The following LRP1B variants were observed in gnomAD, a reference collection of about 807,000 sequenced individuals.
LRP1B encodes low-density lipoprotein receptor-related protein 1B.
In LRP1B, 217 loss-of-function variants were observed where a neutral mutation model predicts 556.6. That is an observed-to-expected ratio of 0.39 (90% CI 0.35 to 0.44). The LOEUF (loss-of-function observed/expected upper bound fraction) is 0.44, where lower values mean the gene tolerates loss of function less well. Ranked by LOEUF, LRP1B falls within the 20% of genes least tolerant of loss-of-function variation. The pLI is 1.00. For missense variants in LRP1B, 5,053 were observed against 5,620.8 expected, an observed-to-expected ratio of 0.90 and a Z score of 3.23; for synonymous variants, 2,047 against 1,865.8, an observed-to-expected ratio of 1.10 and a Z score of -2.50.
chr2:141,822,092 TACACACACAC>T (rs149899299), intron 1 of LRP1B, among the ~76,000 whole-genome samples: 51 of 112,426 alleles, frequency 4.5e-4, no homozygotes, highest in Admixed American at 1.6e-3. Flanking sequence ...AAAAAATACA[TACACACACAC>T]ACACACACAC....
At chr2:141,175,198 G>A (rs1680682586) in intron 7 of LRP1B, among the ~76,000 whole-genome samples, 1 of 152,116 alleles carries the variant, frequency 6.6e-6, no homozygotes, top group Non-Finnish European at 1.5e-5. Context: ...ATAGAAGTTT[G>A]AAAAATTTAC....
chr2:141,242,873 T>C (rs1683930396), intron 5 of LRP1B, among the ~76,000 whole-genome samples: 1 of 152,052 alleles, frequency 6.6e-6, no homozygotes, highest in South Asian at 2.1e-4. Flanking sequence ...TTGCCAACAA[T>C]TTGTAAGTTA....
chr2:141,085,072 ACT>A (rs953033749), intron 7 of LRP1B, among the ~76,000 whole-genome samples: 1 of 146,644 alleles, frequency 6.8e-6, no homozygotes, highest in Non-Finnish European at 1.5e-5. Flanking sequence ...TTTTTTCTAG[ACT>A]CACCAATTGT....
At chr2:140,678,677 C>T (rs923924043) in intron 41 of LRP1B, among the ~76,000 whole-genome samples, 18 of 151,908 alleles carry the variant, frequency 1.2e-4, no homozygotes, top group South Asian at 2.1e-4. Flanking sequence ...GGGTTGCTTA[C>T]GCAACAAAAA....
intron 2 of LRP1B, among the ~76,000 whole-genome samples, chr2:141,525,708 A>T (rs1347985275): frequency 6.6e-6 from 1 of 152,008 alleles, no homozygotes; most frequent in Non-Finnish European, 1.5e-5. Context: ...TTCACTGGTC[A>T]TAGGAGAAAA....
At chr2:141,742,304 T>C (rs1232930421) in intron 2 of LRP1B, among the ~76,000 whole-genome samples, 2 of 148,420 alleles carry the variant, frequency 1.3e-5, no homozygotes, top group African/African-American at 2.5e-5. Flanking sequence ...TAGGCTGGAG[T>C]GTAGTGGTGC....
At position 140,886,133 on chromosome 2, in the gene LRP1B, T is replaced by G; in HGVS notation, c.3964+5A>C. 3 of 1,541,800 alleles carry G rather than the reference T, an allele frequency of 1.9e-6. No individual in the cohort carries two copies. The highest frequency in any genetic ancestry group is 1.8e-6 in the Non-Finnish European group (2 of 1,132,730). Reference sequence around the variant, plus strand: ...AAACATTAAGAAAAATTATAATATATGTACCTCCACTTTCAGAAAGCTTTC... The same window carrying G: ...AAACATTAAGAAAAATTATAATATAGGTACCTCCACTTTCAGAAAGCTTTC... On this transcript the variant is annotated splice_donor_5th_base_variant and intron_variant, in intron 24 of 90. Transcript: ENST00000389484.
At chr2:140,754,718 A>G (rs1688686016) in intron 35 of LRP1B, among the ~76,000 whole-genome samples, 1 of 151,894 alleles carries the variant, frequency 6.6e-6, no homozygotes, top group African/African-American at 2.4e-5. Context: ...CCTACATTAT[A>G]CAAGAAGAAA....
At chr2:140,366,923 G>A (rs1682786819) in intron 71 of LRP1B, among the ~76,000 whole-genome samples, 1 of 151,680 alleles carries the variant, frequency 6.6e-6, no homozygotes, top group Non-Finnish European at 1.5e-5. Context: ...ACATTTGAGG[G>A]TACAGGAGAG....
At position 140,926,178 on chromosome 2, in the gene LRP1B, G is replaced by A. The variant is rs566764025; in HGVS notation, c.3137-3031C>T. 1.0e-4 allele frequency among the ~76,000 whole-genome samples: 15 copies of A among 150,668 alleles called. No homozygotes were observed. In the South Asian group the frequency reaches 2.1e-3, roughly 21 times the overall value. On this transcript the variant is annotated intron_variant, in intron 20 of 90. Coordinates refer to ENST00000389484, the MANE Select transcript of LRP1B (RefSeq NM_018557.3). ...ATAACATAAAACAAGAGTATAGTCC[G>A]AAGAAGAAAATATAATATTGTGAAC...
Position 140,266,965 on chromosome 2 carries a change from T to C in LRP1B, c.13247+3277A>G, listed in dbSNP as rs994495317. On this transcript the variant is annotated intron_variant, in intron 86 of 90. Coordinates refer to ENST00000389484, the MANE Select transcript of LRP1B (RefSeq NM_018557.3). The stretch of plus-strand genomic sequence containing the variant: ...AGACTGCAATGCAGTGTAAGAGTTA[T>C]AACCAGGGTACGCACTTTAGAATTG... Among the ~76,000 whole-genome samples, 69 of 152,096 alleles carry C rather than the reference T, an allele frequency of 4.5e-4. 1 individual carries two copies. The highest frequency in any genetic ancestry group is 4.4e-3 in the Admixed American group (67 of 15,226).
intron 15 of LRP1B, among the ~76,000 whole-genome samples, chr2:141,000,159 T>A (rs991082571): frequency 1.3e-5 from 2 of 151,888 alleles, no homozygotes; most frequent in Non-Finnish European, 2.9e-5. Flanking sequence ...ATTCAAGCAA[T>A]CTTCCCACTT....
At chr2:140,254,532 G>GTTTGTTTGT (rs1681592834) in intron 86 of LRP1B, among the ~76,000 whole-genome samples, 1 of 151,356 alleles carries the variant, frequency 6.6e-6, no homozygotes, top group Non-Finnish European at 1.5e-5. Flanking sequence ...TTTGTTTTTT[G>GTTTGTTTGT]TTTGTTTGTT....
At chr2:140,582,089 A>G (rs1031344712) in intron 43 of LRP1B, among the ~76,000 whole-genome samples, 1 of 152,162 alleles carries the variant, frequency 6.6e-6, no homozygotes, top group African/African-American at 2.4e-5. Context: ...ACACACATAT[A>G]TCTATACCTG....
At chr2:140,526,886 G>T (rs1030733923) in intron 47 of LRP1B, among the ~76,000 whole-genome samples, 4 of 151,802 alleles carry the variant, frequency 2.6e-5, no homozygotes, top group African/African-American at 9.6e-5. Flanking sequence ...AAAGAGATGG[G>T]CAGGGGGGAA....
intron 23 of LRP1B, among the ~76,000 whole-genome samples, chr2:140,893,707 G>A (rs1227011847): frequency 6.6e-6 from 1 of 152,082 alleles, no homozygotes; most frequent in African/African-American, 2.4e-5. Flanking sequence ...TGTAGATAAG[G>A]GAGTTTTGAA....
chr2:140,795,315 G>A (rs1690265256), intron 32 of LRP1B, among the ~76,000 whole-genome samples: 3 of 151,966 alleles, frequency 2.0e-5, no homozygotes. Flanking sequence ...TTGGCCTTCT[G>A]AGTACTGTTC....
At chr2:141,647,714 T>TTTC (rs1689630320) in intron 2 of LRP1B, among the ~76,000 whole-genome samples, 1 of 151,682 alleles carries the variant, frequency 6.6e-6, no homozygotes, top group Admixed American at 6.6e-5. Flanking sequence ...TTTTTTTTTT[T>TTTC]TTAAATAAGA....
At chr2:141,045,754 C>T (rs910469420) in intron 11 of LRP1B, among the ~76,000 whole-genome samples, 1 of 152,064 alleles carries the variant, frequency 6.6e-6, no homozygotes, top group Non-Finnish European at 1.5e-5. Context: ...CCCGATACGG[C>T]ATTCACTTTT....
Sources: allele counts gnomAD v4.1 joint callset (sites outside exome capture counted in the v4.1 genomes callset), GRCh38; gene constraint gnomAD v4.1.1; transcripts MANE v1.5; gene names NCBI Gene and HGNC (gene_info 2026-07-23, HGNC 2026-07-21).